Variants in WWOX observed in about 807,000 individuals in gnomAD.
WWOX encodes WW domain containing oxidoreductase, also known as WW domain-containing oxidoreductase.
Under a neutral mutation model 46.2 loss-of-function variants are expected in WWOX, and 69 were observed. That is an observed-to-expected ratio of 1.49 (90% CI 1.23 to 1.82). WWOX has a LOEUF of 1.82. WWOX is among the 40% of genes most tolerant of loss of function. The probability of loss-of-function intolerance (pLI) is 0.00; values close to 1 mark genes in which losing one functional copy is unlikely to be tolerated. For missense variants in WWOX, 919 were observed against 542.6 expected (o/e 1.69, Z -6.89); for synonymous variants, 359 against 202.6 (o/e 1.77, Z -6.56).
intron 8 of WWOX, among the ~76,000 whole-genome samples, chr16:78,605,357 T>G (rs1018330707): frequency 6.6e-6 from 1 of 151,108 alleles, no homozygotes; most frequent in African/African-American, 2.4e-5. Flanking sequence ...ACTTCTTAAG[T>G]CCTTAAAAAA....
intron 8 of WWOX, among the ~76,000 whole-genome samples, chr16:78,715,380 C>G (rs929842782): frequency 6.6e-6 from 1 of 152,212 alleles, no homozygotes; most frequent in East Asian, 1.9e-4. Context: ...GTTATTCATT[C>G]TTCTGGGATC....
At chr16:78,919,521 TTTG>T (rs150219971) in intron 8 of WWOX, among the ~76,000 whole-genome samples, 50,419 of 94,034 alleles carry the variant, frequency 0.54, 10,308 homozygotes, top group Middle Eastern at 0.66. Flanking sequence ...ATCTTTTTGT[TTTG>T]TTTTTTTTTT....
At chr16:78,972,093 C>T (rs2151324301) in intron 8 of WWOX, among the ~76,000 whole-genome samples, 1 of 152,276 alleles carries the variant, frequency 6.6e-6, no homozygotes, top group Admixed American at 6.5e-5. Context: ...GCAGCCCAGA[C>T]CTCTCAGGAA....
chr16:78,724,132 T>G (rs1403234790), intron 8 of WWOX, among the ~76,000 whole-genome samples: 7 of 152,190 alleles, frequency 4.6e-5, no homozygotes, highest in Admixed American at 1.3e-4. Flanking sequence ...ATGGGAGTAG[T>G]GACTATTTAG....
intron 8 of WWOX, among the ~76,000 whole-genome samples, chr16:78,747,593 C>T (rs2049378503): frequency 6.6e-6 from 1 of 152,186 alleles, no homozygotes; most frequent in South Asian, 2.1e-4. Context: ...AGTTACTTAG[C>T]TAGCAAATGG....
intron 8 of WWOX, among the ~76,000 whole-genome samples, chr16:78,470,141 G>T (rs2247102): frequency 4.6e-5 from 7 of 152,070 alleles, no homozygotes; most frequent in African/African-American, 1.7e-4. Flanking sequence ...TGGCTCAGCC[G>T]TCTGACACAT....
intron 6 of WWOX, among the ~76,000 whole-genome samples, chr16:78,414,907 G>A (rs1052062516): frequency 6.6e-6 from 1 of 152,118 alleles, no homozygotes; most frequent in Non-Finnish European, 1.5e-5. Flanking sequence ...AGAGAGAGTT[G>A]TTGGATCTTG....
intron 8 of WWOX, among the ~76,000 whole-genome samples, chr16:78,850,585 G>A (rs556616158): frequency 1.6e-4 from 24 of 152,150 alleles, no homozygotes; most frequent in South Asian, 6.2e-4. Flanking sequence ...CATTGTTTAC[G>A]ATTCCTTGGA....
intron 8 of WWOX, among the ~76,000 whole-genome samples, chr16:78,709,259 C>A (rs1238124417): frequency 6.6e-6 from 1 of 152,172 alleles, no homozygotes; most frequent in East Asian, 1.9e-4. Context: ...GTAATCTCTG[C>A]CTGCGGGAGA....
chr16:79,010,213 T>C (rs1025848993), intron 8 of WWOX, among the ~76,000 whole-genome samples: 1 of 152,164 alleles, frequency 6.6e-6, no homozygotes. Flanking sequence ...TCACAAATGC[T>C]TACCGAGCAT....
intron 5 of WWOX, among the ~76,000 whole-genome samples, chr16:78,361,641 C>T (rs144539837): frequency 4.9e-4 from 74 of 152,116 alleles, no homozygotes; most frequent in African/African-American, 1.6e-3. Context: ...GACAAAGTTT[C>T]ACTCCTGTCG....
At chr16:78,276,658 T>A (rs925448634) in intron 5 of WWOX, among the ~76,000 whole-genome samples, 2 of 152,226 alleles carry the variant, frequency 1.3e-5, no homozygotes, top group African/African-American at 4.8e-5. Context: ...GTCCAGTGTT[T>A]GTAGCTGTGA....
chr16:78,402,100 C>A (rs2082426373), intron 6 of WWOX, among the ~76,000 whole-genome samples: 1 of 152,162 alleles, frequency 6.6e-6, no homozygotes, highest in Non-Finnish European at 1.5e-5. Context: ...TTCATCACTC[C>A]AAAAAGAAAT....
chr16:79,123,656 T>G (rs2049687810), intron 8 of WWOX, among the ~76,000 whole-genome samples: 1 of 152,126 alleles, frequency 6.6e-6, no homozygotes, highest in South Asian at 2.1e-4. Context: ...TTTTCCCTAT[T>G]TCTTTCTCAC....
At chr16:78,849,820 C>T (rs1157630246) in intron 8 of WWOX, among the ~76,000 whole-genome samples, 1 of 152,022 alleles carries the variant, frequency 6.6e-6, no homozygotes. Flanking sequence ...TGCCTGTAAT[C>T]CCAGCACTTT....
At chr16:78,244,133 G>T (rs560074375) in intron 5 of WWOX, among the ~76,000 whole-genome samples, 4 of 152,170 alleles carry the variant, frequency 2.6e-5, no homozygotes, top group Non-Finnish European at 5.9e-5. Flanking sequence ...GCAATGGTGG[G>T]TAGGTCCCTT....
intron 5 of WWOX, among the ~76,000 whole-genome samples, chr16:78,242,975 T>C (rs546269342): frequency 6.6e-6 from 1 of 152,116 alleles, no homozygotes; most frequent in South Asian, 2.1e-4. Flanking sequence ...ACCACTGCAC[T>C]CCAGCCTGGG....
chr16:78,569,497 C>G (rs1597282592), intron 8 of WWOX, among the ~76,000 whole-genome samples: 1 of 152,124 alleles, frequency 6.6e-6, no homozygotes. Context: ...TGATTCTTTT[C>G]GTAACTGCAA....
At chr16:78,746,877 G>T (rs578121047) in intron 8 of WWOX, among the ~76,000 whole-genome samples, 1 of 152,230 alleles carries the variant, frequency 6.6e-6, no homozygotes, top group South Asian at 2.1e-4. Flanking sequence ...TTTTGAGGTT[G>T]TTTGTTATGC....
Sources: allele counts gnomAD v4.1 joint callset (sites outside exome capture counted in the v4.1 genomes callset), GRCh38; gene constraint gnomAD v4.1.1; transcripts MANE v1.5; gene names NCBI Gene and HGNC (gene_info 2026-07-23, HGNC 2026-07-21).